Variants in MYOM1 observed in about 807,000 individuals in gnomAD.
The protein encoded by MYOM1 is myomesin-1.
In MYOM1, 164 loss-of-function variants were observed where a neutral mutation model predicts 205.3. That is an observed-to-expected ratio of 0.80 (90% CI 0.70 to 0.91). The LOEUF (loss-of-function observed/expected upper bound fraction) is 0.91. Among genes scored for constraint, MYOM1 ranks in the 40% least tolerant of loss-of-function variants. The pLI is 0.00. For missense variants in MYOM1, 2,011 were observed against 2,127.3 expected (o/e 0.95, Z 1.08); for synonymous variants, 772 against 789.4 (o/e 0.98, Z 0.37).
At chr18:3,170,754 G>A (rs1177234653) in intron 8 of MYOM1, among the ~76,000 whole-genome samples, 4 of 152,082 alleles carry the variant, frequency 2.6e-5, no homozygotes, top group Non-Finnish European at 4.4e-5. Flanking sequence ...AATCTATGCC[G>A]TAGATACTAT....
chr18:3,082,987 A>C (rs1373389274), intron 33 of MYOM1, among the ~76,000 whole-genome samples: 2 of 152,152 alleles, frequency 1.3e-5, no homozygotes, highest in African/African-American at 4.8e-5. Flanking sequence ...ATTCATTCAT[A>C]TCATGGGAAA....
chr18:3,156,722 CA>C (rs765009154), intron 10 of MYOM1, among the ~76,000 whole-genome samples: 66 of 151,944 alleles, frequency 4.3e-4, no homozygotes, highest in South Asian at 1.2e-3. Context: ...TCTCCTGCCT[CA>C]AGCCTCCTGA....
intron 22 of MYOM1, 141 bp from the exon 23 acceptor site, chr18:3,102,771 T>C: frequency 1.3e-6 from 1 of 776,896 alleles, no homozygotes; most frequent in Non-Finnish European, 2.1e-6. Context: ...CTCATGCAGG[T>C]GGACAGTCCT....
chr18:3,243,675 C>T, the MYOM1 span, among the ~76,000 whole-genome samples: 6 of 152,232 alleles, frequency 3.9e-5, no homozygotes, highest in South Asian at 2.1e-4. Flanking sequence ...ATTCTACCCC[C>T]GGACAATCAG....
chr18:3,171,940 G>C (rs1397343132), intron 8 of MYOM1, among the ~76,000 whole-genome samples: 1 of 152,072 alleles, frequency 6.6e-6, no homozygotes, highest in East Asian at 1.9e-4. Context: ...TTGAAATAAT[G>C]GTTTAGAATT....
chr18:3,147,850 A>T (rs2080152161), intron 13 of MYOM1, among the ~76,000 whole-genome samples: 1 of 152,242 alleles, frequency 6.6e-6, no homozygotes, highest in South Asian at 2.1e-4. Context: ...TGTAGAAAAA[A>T]TTAATTTTAA....
At chr18:3,225,163 A>AT in the MYOM1 span, among the ~76,000 whole-genome samples, 9 of 146,520 alleles carry the variant, frequency 6.1e-5, no homozygotes, top group South Asian at 4.3e-4. Flanking sequence ...AATTTTTTGT[A>AT]TTTTTTTTTA....
At chr18:3,166,127 G>A (rs2080465500) in intron 9 of MYOM1, among the ~76,000 whole-genome samples, 1 of 152,156 alleles carries the variant, frequency 6.6e-6, no homozygotes, top group Non-Finnish European at 1.5e-5. Context: ...AAGTGATTAT[G>A]AACTTCAAGG....
chr18:3,196,498 TAAA>T (rs1394117918), intron 2 of MYOM1, among the ~76,000 whole-genome samples: 1 of 152,364 alleles, frequency 6.6e-6, no homozygotes, highest in Admixed American at 6.5e-5. Context: ...CTTTACCTAT[TAAA>T]ACTACATGTA....
At chr18:3,089,878 G>C (rs1205075777) in intron 27 of MYOM1, among the ~76,000 whole-genome samples, 1 of 152,174 alleles carries the variant, frequency 6.6e-6, no homozygotes, top group African/African-American at 2.4e-5. Context: ...TTTAAATCTG[G>C]GTGGTAGTAA....
At position 3,129,350 on chromosome 18, in the gene MYOM1, GC is replaced by G. The variant is rs2079842151; in HGVS notation, c.2675del (p.Gly892AlafsTer5). On this transcript the variant is annotated frameshift_variant, in exon 18 of 38. Coordinates refer to ENST00000356443, the MANE Select transcript of MYOM1 (RefSeq NM_003803.4). LOFTEE classifies it high-confidence loss of function. Reference protein sequence around the residue: ...PSLPSSSQNLGQTEVSKVSET... With the variant: ...PSLPSSSQNLXQTEVSKVSET... ...CACTTACTTTACTCACTTCTGTTTG[GC>G]CCAGGTTTTGAGAGCTACTGGGTAG... 1.2e-6 allele frequency: 2 copies of G among 1,613,968 alleles called. No homozygotes were observed. Among genetic ancestry groups the G allele is most frequent in the East Asian group, 4.5e-5 (2 of 44,882 alleles).
In MYOM1 at chr18:3,151,882, C is replaced by T; in HGVS notation, c.1655G>A (p.Gly552Asp). ...LGYFIDKCEVGTDSWSQCNDT... is the reference protein window; with the variant it reads ...LGYFIDKCEVDTDSWSQCNDT... The stretch of plus-strand genomic sequence containing the variant: ...ATTGCACTGCGACCAGCTATCTGTG[C>T]CCACCTCACACCTAAAGGAATGAGC... Residue 552 changes from glycine (G) to aspartate (D), a missense_variant, in exon 12 of 38, where the codon GGC becomes GAC. Transcript: ENST00000356443. 6.2e-7 allele frequency: 1 copy of T among 1,612,004 alleles called. No homozygotes were observed. Among genetic ancestry groups the T allele is most frequent in the Non-Finnish European group, 8.5e-7 (1 of 1,178,652 alleles).
chr18:3,113,753 A>ATGTTT (rs66461230), intron 21 of MYOM1, among the ~76,000 whole-genome samples: 132,639 of 152,046 alleles, frequency 0.87, 58,373 homozygotes, highest in East Asian at 0.97. Flanking sequence ...AAGCTATGTT[A>ATGTTT]TAAGAAGGAA....
rs548838517 is a variant in MYOM1, at chr18:3,188,612, G to A, written c.771+136C>T. ...CCACTGCACTCCAACCTGGGGGACA[G>A]AGTGAGACTCCATCTCAAAAGGAAA... On this transcript the variant is annotated intron_variant, in intron 4 of 37. Coordinates refer to ENST00000356443, the MANE Select transcript of MYOM1 (RefSeq NM_003803.4). The A allele has an allele frequency of 5.8e-5, 57 of 982,034 alleles. 1 individual carries two copies. In the South Asian group the frequency reaches 1.2e-3, roughly 20 times the overall value. 60.8% of individuals were successfully genotyped at this position (982,034 alleles called of 1,614,324 possible).
intron 13 of MYOM1, among the ~76,000 whole-genome samples, chr18:3,145,154 C>G (rs564821270): frequency 2.8e-4 from 42 of 152,046 alleles, no homozygotes; most frequent in African/African-American, 9.9e-4. Flanking sequence ...ACTAAAAATA[C>G]AAAAATTAGC....
At position 3,176,042 on chromosome 18, in the gene MYOM1, C is replaced by A. The variant is rs8099021; in HGVS notation, c.1022G>T (p.Gly341Val). Residue 341 changes from glycine to valine, a missense_variant and splice_region_variant, in exon 6 of 38, where the codon GGA becomes GTA. Physicochemically the swap from Gly to Val is moderately radical, Grantham distance 109. Transcript: ENST00000356443. Reference sequence around the variant, plus strand: ...CACATGGACACTAATGTTCTCTTACCCATTAATCTCCAGAGTGTGCATCCC... The same window carrying A: ...CACATGGACACTAATGTTCTCTTACACATTAATCTCCAGAGTGTGCATCCC... The part of the protein sequence containing the change: ...RYGMHTLEIN[G>V]CDFEDTAQYR... 2.8e-5 allele frequency: 43 copies of A among 1,560,568 alleles called. No homozygotes were observed. The highest frequency in any genetic ancestry group is 3.8e-5 in the Non-Finnish European group (43 of 1,131,732).
chr18:3,073,735 G>A lies in MYOM1; in HGVS notation c.4708+1719C>T, dbSNP rs146238943. On this transcript the variant is annotated intron_variant, in intron 36 of 37. Transcript: ENST00000356443. ...ATGGCTTGCCTGGGCATGCCCACAT[G>A]TGCATTGGGGGAATGGGGGGATCCA... is the stretch of plus-strand genomic sequence containing the variant. 8.3e-3 allele frequency among the ~76,000 whole-genome samples: 1,264 copies of A among 152,334 alleles called. 22 individuals are homozygous for A. The highest frequency in any genetic ancestry group is 0.028 in the African/African-American group (1,156 of 41,578).
At chr18:3,129,044 A>C (rs959710172) in intron 18 of MYOM1, among the ~76,000 whole-genome samples, 188 bp downstream of exon 18, 2 of 152,248 alleles carry the variant, frequency 1.3e-5, no homozygotes, top group Non-Finnish European at 2.9e-5. Context: ...TGTACAAGCC[A>C]AACCCATAGA....
At chr18:3,073,297 CT>C (rs1194940091) in intron 36 of MYOM1, among the ~76,000 whole-genome samples, 1 of 152,178 alleles carries the variant, frequency 6.6e-6, no homozygotes, top group African/African-American at 2.4e-5. Flanking sequence ...CTGGGCATGA[CT>C]GCCTCAGTCC....
Sources: gnomAD v4.1 joint callset for allele counts (sites outside exome capture counted in the v4.1 genomes callset) on GRCh38, gnomAD v4.1.1 for gene constraint, MANE v1.5 for transcripts, NCBI Gene and HGNC (gene_info 2026-07-23, HGNC 2026-07-21) for gene names.